The following ABCC12 variants were observed in gnomAD, a reference collection of about 807,000 sequenced individuals.
ABCC12 encodes the protein ATP binding cassette subfamily C member 12.
In ABCC12, 142 loss-of-function variants were observed where a neutral mutation model predicts 151.1. The ratio of observed to expected loss-of-function variants is 0.94; its 90% confidence interval spans 0.82 to 1.08. The LOEUF is 1.08. ABCC12 is among the 50% of genes least tolerant of loss of function. The probability of loss-of-function intolerance (pLI) is 0.00; values close to 1 mark genes in which losing one functional copy is unlikely to be tolerated. For missense variants in ABCC12, 1,638 were observed against 1,691.1 expected, an observed-to-expected ratio of 0.97 and a Z score of 0.55; for synonymous variants, 645 against 646.4, an observed-to-expected ratio of 1.00 and a Z score of 0.03.
intron 4 of ABCC12, among the ~76,000 whole-genome samples, chr16:48,143,434 C>T (rs971697941): frequency 2.0e-5 from 3 of 152,204 alleles, no homozygotes; most frequent in African/African-American, 7.2e-5. Context: ...GTGTCATTTT[C>T]CATGTTGGGG....
chr16:48,083,806 AAGTC>A lies in ABCC12; in HGVS notation c.3994-9_3994-6del. 4 of 1,614,194 alleles carry A rather than the reference AAGTC, an allele frequency of 2.5e-6. No homozygotes were observed. In the South Asian group the frequency reaches 4.4e-5, roughly 18 times the overall value. On this transcript the variant is annotated splice_region_variant and splice_polypyrimidine_tract_variant and intron_variant, in intron 30 of 30. Coordinates refer to ENST00000311303, the MANE Select transcript of ABCC12 (RefSeq NM_001393797.1). ...AGGCTTGTCAAACTCAATCACCTGA[AAGTC>A]AGAGAAGAAGAACTGAAATCATCGG...
chr16:48,115,449 C>T lies in ABCC12; in HGVS notation c.1955G>A (p.Gly652Glu). 3 of 1,614,076 alleles carry T rather than the reference C, an allele frequency of 1.9e-6. No individual in the cohort carries two copies. The highest frequency in any genetic ancestry group is 2.5e-6 in the Non-Finnish European group (3 of 1,179,942). Residue 652 changes from glycine to glutamate, a missense_variant, in exon 15 of 31, where the codon GGA (glycine) becomes GAA (glutamate). Transcript: ENST00000311303. Reference protein sequence around the residue: ...FEECIKKTLRGKTVVLVTHQL... With the variant: ...FEECIKKTLREKTVVLVTHQL... ...GTGGGTCACCAGGACGACTGTCTTT[C>T]CCCTGAGCGTCTTCTTAATGCACTC...
chr16:48,104,175 G>T lies in ABCC12; in HGVS notation c.2867C>A (p.Ala956Asp). The T allele has an allele frequency of 2.5e-6, 4 of 1,614,178 alleles. No individual in the cohort carries two copies. Among genetic ancestry groups the T allele is most frequent in the Non-Finnish European group, 3.4e-6 (4 of 1,180,048 alleles). ...AATGAAGAAGCCTACAGCAAGGCTG[G>T]CCACGACTAAAAGGACAGCAGGAAA... ...AVFPAVLLVV[A>D]SLAVGFFILL... The change falls in exon 22 of 31, where the codon GCC becomes GAC. Residue 956 changes from alanine (A) to aspartate (D), a missense_variant. By Grantham distance (126) the Ala-to-Asp change is moderately radical (BLOSUM62 -2). Coordinates refer to ENST00000311303, the MANE Select transcript of ABCC12 (RefSeq NM_001393797.1).
In ABCC12 at chr16:48,111,371, T is replaced by C. The variant is rs571318722; in HGVS notation, c.2281+65A>G. 12 of 1,551,926 alleles carry C rather than the reference T, an allele frequency of 7.7e-6. No individual in the cohort carries two copies. In the Admixed American group the frequency reaches 1.7e-4, roughly 22 times the overall value. Reference sequence around the variant, plus strand: ...ATGCACAGTGTCTACACTGTCTGTATCCCAAACGGTAGATGCCCAATACAT... The same window carrying C: ...ATGCACAGTGTCTACACTGTCTGTACCCCAAACGGTAGATGCCCAATACAT... On this transcript the variant is annotated intron_variant, in intron 18 of 30. Transcript: ENST00000311303.
At chr16:48,124,355 A>T in intron 11 of ABCC12, 71 bp from the exon 12 acceptor site, 1 of 1,479,908 alleles carries the variant, frequency 6.8e-7, no homozygotes, top group South Asian at 1.1e-5. Context: ...CAAAGGTGCC[A>T]CTCCCAAACT....
chr16:48,088,722 CA>C lies in ABCC12; in HGVS notation c.3297del (p.Glu1100AsnfsTer28). On this transcript the variant is annotated frameshift_variant, in exon 26 of 31. Transcript: ENST00000311303. LOFTEE classifies it high-confidence loss of function. Reference sequence around the variant, plus strand: ...CCCACTTTGAGGGGATGAGTGCATTCAGGAACACAGGTCTGTAAAGGAGAAT... The same window carrying C: ...CCCACTTTGAGGGGATGAGTGCATTCGGAACACAGGTCTGTAAAGGAGAAT... Reference protein sequence around the residue: ...LLREYISTCVPECTHPLKVGT... With the variant: ...LLREYISTCVXECTHPLKVGT... The C allele has an allele frequency of 6.2e-7, 1 of 1,613,358 alleles. No homozygotes were observed.
intron 11 of ABCC12, among the ~76,000 whole-genome samples, chr16:48,127,229 T>C (rs1438388856): frequency 6.6e-6 from 1 of 151,602 alleles, no homozygotes. Context: ...GTCAACAGGA[T>C]GAGAGATTAA....
In ABCC12 at chr16:48,083,563, G is replaced by T; in HGVS notation, c.*152C>A. 2.5e-6 allele frequency: 2 copies of T among 796,272 alleles called. No individual in the cohort carries two copies. The highest frequency in any genetic ancestry group is 4.1e-6 in the Non-Finnish European group (2 of 490,018). 49.3% of individuals were successfully genotyped at this position (796,272 alleles called of 1,614,324 possible). ...AGTGGGGTGACATGGACTGAGTATG[G>T]CAGTGGGGACAACTTCAGCCCCAGC... On this transcript the variant is annotated 3_prime_UTR_variant, in exon 31 of 31. Coordinates refer to ENST00000311303, the MANE Select transcript of ABCC12 (RefSeq NM_001393797.1).
chr16:48,105,448 G>T, intron 20 of ABCC12, 112 bp from the exon 21 acceptor site: 1 of 1,070,870 alleles, frequency 9.3e-7, no homozygotes, highest in Non-Finnish European at 1.4e-6. Flanking sequence ...GCACATGAGT[G>T]TTTTGAATGA....
At chr16:48,123,631 G>A (rs1964143829) in intron 12 of ABCC12, among the ~76,000 whole-genome samples, 1 of 152,132 alleles carries the variant, frequency 6.6e-6, no homozygotes, top group African/African-American at 2.4e-5. Context: ...TCATTCATGT[G>A]GGATGTGACT....
At chr16:48,097,458 T>C (rs1963140970) in intron 23 of ABCC12, among the ~76,000 whole-genome samples, 1 of 152,184 alleles carries the variant, frequency 6.6e-6, no homozygotes, top group Non-Finnish European at 1.5e-5. Flanking sequence ...CAATTGCTTA[T>C]AAAGCTGGGA....
intron 22 of ABCC12, 23 bp from the exon 23 acceptor site, chr16:48,101,032 C>A (rs1437384827): frequency 6.2e-6 from 10 of 1,611,534 alleles, no homozygotes; most frequent in Non-Finnish European, 7.6e-6. Flanking sequence ...TGAAAGGGGC[C>A]AGGTGGGCCA....
At chr16:48,137,570 C>G (rs1964652815) in intron 8 of ABCC12, among the ~76,000 whole-genome samples, 1 of 152,152 alleles carries the variant, frequency 6.6e-6, no homozygotes, top group Non-Finnish European at 1.5e-5. Context: ...AGGGCAGATA[C>G]ACAGCTTTGG....
intron 8 of ABCC12, among the ~76,000 whole-genome samples, chr16:48,137,943 GT>G (rs111584919): frequency 0.032 from 4,917 of 152,136 alleles, 284 homozygotes; most frequent in African/African-American, 0.11. Context: ...TGCTCACAAT[GT>G]TTTTAGTGGA....
chr16:48,086,033 A>G (rs1457135399), intron 28 of ABCC12, among the ~76,000 whole-genome samples: 1 of 152,182 alleles, frequency 6.6e-6, no homozygotes, highest in Non-Finnish European at 1.5e-5. Context: ...CCAGGGACCA[A>G]ATAGAGATGG....
chr16:48,126,959 G>A (rs1173842394), intron 11 of ABCC12, among the ~76,000 whole-genome samples: 1 of 152,180 alleles, frequency 6.6e-6, no homozygotes, highest in East Asian at 1.9e-4. Flanking sequence ...CCTCTTGGAG[G>A]CACATGGGAA....
In ABCC12 at chr16:48,116,998, C is replaced by T. The variant is rs573990647; in HGVS notation, c.1785+263G>A. On this transcript the variant is annotated intron_variant, in intron 14 of 30. Coordinates refer to ENST00000311303, the MANE Select transcript of ABCC12 (RefSeq NM_001393797.1). ...GAAGCAGTTTTCACCAGAAACCCTTCCTGAGACGACAGGCAGATTGGGAGT... is the reference window on the plus strand; with the variant it reads ...GAAGCAGTTTTCACCAGAAACCCTTTCTGAGACGACAGGCAGATTGGGAGT... 3.3e-5 allele frequency among the ~76,000 whole-genome samples: 5 copies of T among 152,354 alleles called. 1 individual carries two copies. The South Asian group carries it at 1.0e-3, about 32-fold the overall frequency.
chr16:48,115,453 T>C lies in ABCC12; in HGVS notation c.1951A>G (p.Arg651Gly), dbSNP rs765498025. ...GTCACCAGGACGACTGTCTTTCCCC[T>C]GAGCGTCTTCTTAATGCACTCCTCA... ...VFEECIKKTL[R>G]GKTVVLVTHQ... Residue 651 changes from arginine (R) to glycine (G), a missense_variant, in exon 15 of 31, where the codon AGG (arginine) becomes GGG (glycine). By Grantham distance (125) the Arg-to-Gly change is moderately radical (BLOSUM62 -2). Transcript: ENST00000311303. 23 of 1,614,020 alleles carry C rather than the reference T, an allele frequency of 1.4e-5. No individual in the cohort carries two copies. The highest frequency in any genetic ancestry group is 1.9e-5 in the Non-Finnish European group (23 of 1,179,982).
intron 11 of ABCC12, among the ~76,000 whole-genome samples, chr16:48,125,518 G>A (rs774295344): frequency 3.9e-5 from 6 of 152,192 alleles, no homozygotes; most frequent in African/African-American, 1.4e-4. Context: ...TGGGTAAGAC[G>A]TGAAGGAGGT....
Sources: gnomAD v4.1 joint callset for allele counts (sites outside exome capture counted in the v4.1 genomes callset) on GRCh38, gnomAD v4.1.1 for gene constraint, MANE v1.5 for transcripts, NCBI Gene and HGNC (gene_info 2026-07-23, HGNC 2026-07-21) for gene names.